The following ZNF516 variants were observed in gnomAD, a reference collection of about 807,000 sequenced individuals.
ZNF516 encodes the protein zinc finger protein 516.
ZNF516 carries 19 observed loss-of-function variants against 79.7 expected under a neutral mutation model. The observed-to-expected ratio is 0.24, with a 90% CI of 0.17 to 0.35. The LOEUF (loss-of-function observed/expected upper bound fraction) is 0.35. Among genes scored for constraint, ZNF516 ranks in the 10% least tolerant of loss-of-function variants. The pLI is 1.00. For missense variants in ZNF516, 1,678 were observed against 1,679.5 expected (o/e 1.00, Z 0.02); for synonymous variants, 877 against 739.5 (o/e 1.19, Z -3.02).
At chr18:76,476,998 C>T (rs1379891351) in intron 1 of ZNF516, among the ~76,000 whole-genome samples, 3 of 152,158 alleles carry the variant, frequency 2.0e-5, no homozygotes, top group Non-Finnish European at 4.4e-5. Flanking sequence ...AACAAACAGT[C>T]GTCCTAAAAG....
rs761039153 is a variant in ZNF516, at chr18:76,378,964, C to G, written c.3150G>C (p.Gly1050=). The G allele has an allele frequency of 1.2e-5, 19 of 1,613,638 alleles. No homozygotes were observed. The highest frequency in any genetic ancestry group is 1.5e-5 in the Non-Finnish European group (18 of 1,179,812). The change falls in exon 4 of 7, where the codon GGG becomes GGC. Residue 1050 remains glycine (G), a synonymous_variant. Coordinates refer to ENST00000443185, the MANE Select transcript of ZNF516 (RefSeq NM_014643.4). ...TGAGGATGTCCAGGCGCTTCTCATG[C>G]CCCTCGGCCACCGGCTCCTGTTTGA... The part of the protein sequence containing the change: ...HSIKQEPVAE[G]HEKRLDILNI...
chr18:76,471,043 A>C (rs1482403325), intron 1 of ZNF516, among the ~76,000 whole-genome samples: 1 of 152,192 alleles, frequency 6.6e-6, no homozygotes, highest in Non-Finnish European at 1.5e-5. Flanking sequence ...TTAATTTTTT[A>C]AAAACACCTT....
chr18:76,473,784 G>C (rs542527400), intron 1 of ZNF516, among the ~76,000 whole-genome samples: 55 of 151,304 alleles, frequency 3.6e-4, no homozygotes, highest in African/African-American at 1.3e-3. Flanking sequence ...CTGAGCAACA[G>C]GGTGAGACTC....
chr18:76,391,233 C>T (rs1041130580), intron 3 of ZNF516, among the ~76,000 whole-genome samples: 3 of 152,078 alleles, frequency 2.0e-5, no homozygotes, highest in African/African-American at 7.3e-5. Flanking sequence ...GGGCTCTGGC[C>T]GAGGAGGGTA....
intron 3 of ZNF516, among the ~76,000 whole-genome samples, chr18:76,428,993 C>T (rs1183643914): frequency 2.0e-5 from 3 of 152,240 alleles, no homozygotes; most frequent in South Asian, 4.1e-4. Context: ...AGGAGGAGGG[C>T]GAGCGGGCAG....
chr18:76,483,915 T>C (rs1341736225), intron 1 of ZNF516, among the ~76,000 whole-genome samples: 2 of 152,190 alleles, frequency 1.3e-5, no homozygotes, highest in African/African-American at 2.4e-5. Flanking sequence ...CAGCAACAAC[T>C]GGTCCAGTGC....
intron 4 of ZNF516, chr18:76,372,832 G>A (rs1044684969): frequency 9.2e-5 from 14 of 152,346 alleles, no homozygotes; most frequent in African/African-American, 3.4e-4. Context: ...AAAGGAATAA[G>A]AAGAAACATT....
chr18:76,474,174 T>C (rs1914045067), intron 1 of ZNF516, among the ~76,000 whole-genome samples: 1 of 152,124 alleles, frequency 6.6e-6, no homozygotes, highest in Non-Finnish European at 1.5e-5. Flanking sequence ...AATTGGCAAA[T>C]CTCTCGTAAG....
rs951367753 is a variant in ZNF516 at position 76,442,287 on chromosome 18, G to A, written c.768C>T (p.Ala256=). 39 of 1,612,902 alleles carry A rather than the reference G, an allele frequency of 2.4e-5. No homozygotes were observed. The highest frequency in any genetic ancestry group is 3.1e-5 in the Non-Finnish European group (37 of 1,179,718). Residue 256 remains alanine, a synonymous_variant, in exon 3 of 7, where the codon GCC becomes GCT. Coordinates refer to ENST00000443185, the MANE Select transcript of ZNF516 (RefSeq NM_014643.4). Reference sequence around the variant, plus strand: ...CCTTCAGGAACCAGGTCTGGCTGAAGGCCTGGCCACACACCTCGCACGGGA... The same window carrying A: ...CCTTCAGGAACCAGGTCTGGCTGAAAGCCTGGCCACACACCTCGCACGGGA... The part of the protein sequence containing the change: ...GEFPCEVCGQ[A]FSQTWFLKAH...
At chr18:76,439,903 T>C (rs1273210458) in intron 3 of ZNF516, among the ~76,000 whole-genome samples, 2 of 150,772 alleles carry the variant, frequency 1.3e-5, no homozygotes, top group African/African-American at 4.9e-5. Flanking sequence ...TTAAAAGAAG[T>C]CAACCAGGGG....
chr18:76,382,063 T>C (rs2074900952), intron 3 of ZNF516, among the ~76,000 whole-genome samples: 1 of 151,924 alleles, frequency 6.6e-6, no homozygotes, highest in African/African-American at 2.4e-5. Context: ...ACCCAGGAGG[T>C]GGAGGTTGCA....
At chr18:76,378,736 G>A in intron 4 of ZNF516, 119 bp downstream of exon 4, 3 of 1,410,488 alleles carry the variant, frequency 2.1e-6, no homozygotes, top group Non-Finnish European at 2.8e-6. Flanking sequence ...CAGTGGGATG[G>A]GGCCGGCTGG....
rs536106227 is a variant in ZNF516, at chr18:76,492,690, C to T, written c.-272+2454G>A. ...GCCCAGGCACCAAGGCCAGAGAAAC[C>T]GCACGTTTCGAGTCCCCAGTTGCTG... is the stretch of plus-strand genomic sequence containing the variant. On this transcript the variant is annotated intron_variant, in intron 1 of 6. Coordinates refer to ENST00000443185, the MANE Select transcript of ZNF516 (RefSeq NM_014643.4). The T allele has an allele frequency of 6.2e-5, 61 of 982,078 alleles. No homozygotes were observed. In the Middle Eastern group the frequency reaches 2.6e-3, roughly 42 times the overall value. The allele number at this position is 982,078 out of a possible 1,614,324, so 60.8% of individuals were successfully genotyped here.
chr18:76,454,517 G>C (rs1281992606), intron 2 of ZNF516, among the ~76,000 whole-genome samples: 2 of 152,082 alleles, frequency 1.3e-5, no homozygotes, highest in Non-Finnish European at 2.9e-5. Context: ...TGCCAATAAC[G>C]ACTGTAACAT....
chr18:76,490,710 G>A (rs1915125653), intron 1 of ZNF516: 12 of 942,088 alleles, frequency 1.3e-5, no homozygotes, highest in African/African-American at 1.8e-5. Context: ...CTGCATGGCA[G>A]GCTGACGGGG....
At chr18:76,474,828 A>T (rs540352236) in intron 1 of ZNF516, among the ~76,000 whole-genome samples, 1 of 152,330 alleles carries the variant, frequency 6.6e-6, no homozygotes, top group African/African-American at 2.4e-5. Flanking sequence ...GGAAAATTTT[A>T]AAAAATCATA....
In ZNF516 at chr18:76,398,156, G is replaced by C. The variant is rs1034186052; in HGVS notation, c.1811-17853C>G. On this transcript the variant is annotated intron_variant, in intron 3 of 6. Transcript: ENST00000443185. The stretch of plus-strand genomic sequence containing the variant: ...TCAACCATAAAGAAGCGTCGCTCAG[G>C]TTTGGTTTTTCTGTTGTGAATCAAA... 1.2e-4 allele frequency among the ~76,000 whole-genome samples: 19 copies of C among 152,152 alleles called. 1 individual carries two copies. Among genetic ancestry groups the C allele is most frequent in the Admixed American group, 9.2e-4 (14 of 15,278 alleles).
At chr18:76,401,271 A>G (rs2075216583) in intron 3 of ZNF516, among the ~76,000 whole-genome samples, 1 of 142,178 alleles carries the variant, frequency 7.0e-6, no homozygotes, top group African/African-American at 2.6e-5. Context: ...TTTTTTGTGA[A>G]CCAAAAAAAA....
intron 2 of ZNF516, among the ~76,000 whole-genome samples, chr18:76,462,377 A>G (rs932775398): frequency 6.6e-6 from 1 of 152,276 alleles, no homozygotes; most frequent in African/African-American, 2.4e-5. Flanking sequence ...AGGGACCTAC[A>G]GTCCAACACA....
Sources: allele counts gnomAD v4.1 joint callset (sites outside exome capture counted in the v4.1 genomes callset), GRCh38; gene constraint gnomAD v4.1.1; transcripts MANE v1.5; gene names NCBI Gene and HGNC (gene_info 2026-07-23, HGNC 2026-07-21).